SFMBT1: variants seen among roughly 807,000 people sequenced by gnomAD.
SFMBT1 encodes the protein scm-like with four MBT domains protein 1.
Under a neutral mutation model 108.7 loss-of-function variants are expected in SFMBT1, and 32 were observed. The observed-to-expected ratio is 0.29, with a 90% confidence interval of 0.22 to 0.40. SFMBT1 has a LOEUF of 0.40. Ranked by LOEUF, SFMBT1 falls within the 10% of genes least tolerant of loss-of-function variation. The pLI is 1.00. For synonymous variants in SFMBT1, 348 were observed against 369.5 expected, an observed-to-expected ratio of 0.94 and a Z score of 0.67; for missense variants, 816 against 1,059.6, an observed-to-expected ratio of 0.77 and a Z score of 3.19.
intron 1 of SFMBT1, among the ~76,000 whole-genome samples, chr3:53,019,810 C>T (rs1487593172): frequency 1.3e-5 from 2 of 152,168 alleles, no homozygotes; most frequent in African/African-American, 4.8e-5. Context: ...AATCATGACA[C>T]AAACCTACTT....
chr3:53,013,584 C>G (rs1699024966), intron 1 of SFMBT1, among the ~76,000 whole-genome samples: 1 of 136,456 alleles, frequency 7.3e-6, no homozygotes, highest in Non-Finnish European at 1.5e-5. Flanking sequence ...TTAATTACTT[C>G]AAGAAGGAAC....
At chr3:52,939,499 G>A (rs1703117481) in intron 4 of SFMBT1, among the ~76,000 whole-genome samples, 1 of 152,152 alleles carries the variant, frequency 6.6e-6, no homozygotes, top group East Asian at 1.9e-4. Flanking sequence ...GCTTGAACCT[G>A]GGAGGCAGAG....
intron 8 of SFMBT1, chr3:52,928,555 ATGAGG>A (rs1193761911): frequency 8.4e-6 from 3 of 358,242 alleles, no homozygotes; most frequent in African/African-American, 2.3e-5. Flanking sequence ...TAACAACTGA[ATGAGG>A]TAAGTACATA....
chr3:53,030,521 A>C (rs1405525403), intron 1 of SFMBT1, among the ~76,000 whole-genome samples: 1 of 152,148 alleles, frequency 6.6e-6, no homozygotes, highest in African/African-American at 2.4e-5. Context: ...AGAAAAAGTA[A>C]TGCCTATTAA....
At chr3:53,001,175 GGA>G (rs1698535548) in intron 1 of SFMBT1, among the ~76,000 whole-genome samples, 1 of 150,278 alleles carries the variant, frequency 6.7e-6, no homozygotes, top group African/African-American at 2.4e-5. Context: ...TATCAACATG[GGA>G]GGGAAGGTTC....
At chr3:52,971,123 G>A (rs1293435292) in intron 1 of SFMBT1, among the ~76,000 whole-genome samples, 1 of 151,742 alleles carries the variant, frequency 6.6e-6, no homozygotes, top group Non-Finnish European at 1.5e-5. Flanking sequence ...CCTGGGCAAT[G>A]AGAGTGAAAT....
chr3:53,028,428 T>C (rs1277280130), intron 1 of SFMBT1, among the ~76,000 whole-genome samples: 2 of 152,228 alleles, frequency 1.3e-5, no homozygotes, highest in African/African-American at 4.8e-5. Flanking sequence ...AACTTGTGTG[T>C]TGACATACAG....
In SFMBT1 at chr3:52,912,485, T is replaced by C. The variant is rs796768482; in HGVS notation, c.1730+53A>G. On this transcript the variant is annotated intron_variant, in intron 16 of 20. Coordinates refer to ENST00000394752, the MANE Select transcript of SFMBT1 (RefSeq NM_016329.4). ...GAGCCACTGTGCCACGCCGATTCTG[T>C]GACTTTTTAAAGACAAGTAAAAGTA... is the stretch of plus-strand genomic sequence containing the variant. 9 of 1,515,900 alleles carry C rather than the reference T, an allele frequency of 5.9e-6. No homozygotes were observed. The African/African-American group carries it at 1.2e-4, about 21-fold the overall frequency. The allele number at this position is 1,515,900 out of a possible 1,614,324, so 93.9% of individuals were successfully genotyped here. A position where few individuals can be genotyped will look rare whatever the true frequency, so the allele number is the denominator to read the frequency against.
chr3:52,959,134 G>A (rs531918793), intron 2 of SFMBT1, among the ~76,000 whole-genome samples: 5 of 152,042 alleles, frequency 3.3e-5, no homozygotes, highest in Middle Eastern at 3.4e-3. Flanking sequence ...CAAGGGGGAC[G>A]GGGGAGGGAG....
Position 52,979,793 on chromosome 3 carries a change from GC to G in SFMBT1, c.-130-10536del, listed in dbSNP as rs544433555. Among the ~76,000 whole-genome samples the G allele has an allele frequency of 4.3e-4, 65 of 152,186 alleles. No individual in the cohort carries two copies. In the East Asian group the frequency reaches 8.3e-3, roughly 19 times the overall value. On this transcript the variant is annotated intron_variant, in intron 1 of 20. Transcript: ENST00000394752. ...AAATATTTACTGAGCACTTATTATC[GC>G]CACACCACATTTGTTCTAGGTGAAG...
intron 4 of SFMBT1, among the ~76,000 whole-genome samples, chr3:52,941,722 C>T (rs1453356431): frequency 1.3e-5 from 2 of 150,502 alleles, no homozygotes; most frequent in Non-Finnish European, 1.5e-5. Context: ...CACAGCGAAA[C>T]TCTGTCTCTA....
At chr3:52,957,739 A>G (rs569497122) in intron 2 of SFMBT1, among the ~76,000 whole-genome samples, 2 of 152,326 alleles carry the variant, frequency 1.3e-5, no homozygotes, top group African/African-American at 4.8e-5. Flanking sequence ...TGGTGCTGGG[A>G]GAACTGACTA....
intron 1 of SFMBT1, among the ~76,000 whole-genome samples, chr3:53,002,174 G>A (rs2106914324): frequency 6.7e-6 from 1 of 149,788 alleles, no homozygotes; most frequent in African/African-American, 2.4e-5. Flanking sequence ...GCCGAGGCAG[G>A]TGGATCACGG....
At position 53,040,887 on chromosome 3, in the gene SFMBT1, G is replaced by A. The variant is rs117642345; in HGVS notation, c.-131+4929C>T. The stretch of plus-strand genomic sequence containing the variant: ...GGGTGTGATCACAGCCCACTGCAAC[G>A]TCTGTCTCCCTGGCTCAAGAGATAT... On this transcript the variant is annotated intron_variant, in intron 1 of 20. Transcript: ENST00000394752. Among the ~76,000 whole-genome samples the A allele has an allele frequency of 2.0e-4, 30 of 148,864 alleles. No individual in the cohort carries two copies. In the East Asian group the frequency reaches 5.5e-3, roughly 27 times the overall value.
At chr3:52,954,815 A>G (rs73839726) in intron 2 of SFMBT1, among the ~76,000 whole-genome samples, 2,203 of 151,888 alleles carry the variant, frequency 0.015, 53 homozygotes, top group African/African-American at 0.049. Context: ...CTTTCTTAGT[A>G]CTCTCAGAGT....
Position 52,969,117 on chromosome 3 carries a change from C to G in SFMBT1, c.12G>C (p.Glu4Asp). 1.2e-6 allele frequency: 2 copies of G among 1,614,082 alleles called. No homozygotes were observed. Among genetic ancestry groups the G allele is most frequent in the Non-Finnish European group, 1.7e-6 (2 of 1,179,998 alleles). Residue 4 changes from glutamate to aspartate, a missense_variant, in exon 2 of 21, where the codon GAG (glutamate) becomes GAC (aspartate). Physicochemically the swap from Glu to Asp is conservative, Grantham distance 45 (BLOSUM62 2). Transcript: ENST00000394752. The stretch of plus-strand genomic sequence containing the variant: ...AACCAATACCTGCATCAAGCTGCTG[C>G]TCCCCGTTCATTTCCACAGCATATA... MNG[E>D]QQLDADAGSG...
chr3:53,044,195 C>T (rs1700139472), intron 1 of SFMBT1, among the ~76,000 whole-genome samples: 1 of 152,186 alleles, frequency 6.6e-6, no homozygotes, highest in African/African-American at 2.4e-5. Context: ...AATAAAGACA[C>T]ACATTGCGAG....
intron 1 of SFMBT1, among the ~76,000 whole-genome samples, chr3:53,042,300 C>A (rs1291554871): frequency 6.6e-6 from 1 of 152,196 alleles, no homozygotes; most frequent in East Asian, 1.9e-4. Flanking sequence ...CAAAAGTATA[C>A]TACAGAAGCA....
At chr3:52,958,721 T>G (rs539062475) in intron 2 of SFMBT1, among the ~76,000 whole-genome samples, 1 of 152,328 alleles carries the variant, frequency 6.6e-6, no homozygotes, top group African/African-American at 2.4e-5. Context: ...AGTGTGCCAA[T>G]TCCTCAAAGA....
Sources: gnomAD v4.1 joint callset for allele counts (sites outside exome capture counted in the v4.1 genomes callset) on GRCh38, gnomAD v4.1.1 for gene constraint, MANE v1.5 for transcripts, NCBI Gene and HGNC (gene_info 2026-07-23, HGNC 2026-07-21) for gene names.